The following ERBB4 variants were observed in gnomAD, a reference collection of about 807,000 sequenced individuals.
ERBB4 encodes the protein receptor tyrosine-protein kinase erbB-4.
In ERBB4, 42 loss-of-function variants were observed where a neutral mutation model predicts 158.0. The observed-to-expected ratio is 0.27, with a 90% CI of 0.21 to 0.34. The LOEUF (loss-of-function observed/expected upper bound fraction) is 0.34, where lower values mean the gene tolerates loss of function less well. Among genes scored for constraint, ERBB4 ranks in the 10% least tolerant of loss-of-function variants. The pLI, the probability that ERBB4 is intolerant of heterozygous loss-of-function variation, is 1.00. For synonymous variants in ERBB4, 583 were observed against 558.7 expected (o/e 1.04, Z -0.61); for missense variants, 1,333 against 1,624.1 (o/e 0.82, Z 3.08).
At chr2:212,095,464 T>G (rs2078900390) in intron 2 of ERBB4, among the ~76,000 whole-genome samples, 1 of 152,132 alleles carries the variant, frequency 6.6e-6, no homozygotes, top group African/African-American at 2.4e-5. Context: ...AGCATCCAAG[T>G]TGTATAAATG....
intron 1 of ERBB4, among the ~76,000 whole-genome samples, chr2:212,254,890 T>C (rs2084669247): frequency 6.6e-6 from 1 of 152,172 alleles, no homozygotes; most frequent in Non-Finnish European, 1.5e-5. Context: ...AATACTTTGT[T>C]ATAGTGTGAG....
chr2:212,115,680 CA>C (rs934331355), intron 2 of ERBB4, among the ~76,000 whole-genome samples: 2 of 152,022 alleles, frequency 1.3e-5, no homozygotes, highest in African/African-American at 4.8e-5. Flanking sequence ...TATTTTGTTT[CA>C]TTTTTTTTGT....
At chr2:212,277,568 C>G (rs1028785273) in intron 1 of ERBB4, among the ~76,000 whole-genome samples, 2 of 151,696 alleles carry the variant, frequency 1.3e-5, no homozygotes, top group Non-Finnish European at 2.9e-5. Context: ...TAACTGCTTC[C>G]TGTTCTTCAG....
At chr2:212,007,207 T>C (rs1372620182) in intron 2 of ERBB4, among the ~76,000 whole-genome samples, 1 of 151,974 alleles carries the variant, frequency 6.6e-6, no homozygotes, top group African/African-American at 2.4e-5. Context: ...TGATGATAAA[T>C]CTGTTTGATT....
intron 1 of ERBB4, among the ~76,000 whole-genome samples, chr2:212,188,238 C>CT (rs2082082515): frequency 2.5e-5 from 1 of 40,382 alleles, no homozygotes; most frequent in African/African-American, 8.1e-5. Context: ...CTCTCTCCCC[C>CT]CCCCTCTCAC....
At chr2:211,904,677 AATTT>A (rs1253582948) in intron 3 of ERBB4, among the ~76,000 whole-genome samples, 2 of 152,110 alleles carry the variant, frequency 1.3e-5, no homozygotes, top group Non-Finnish European at 2.9e-5. Flanking sequence ...GCAAAATTAT[AATTT>A]ATTTTATCAG....
intron 4 of ERBB4, among the ~76,000 whole-genome samples, chr2:211,754,541 C>T (rs1170688091): frequency 6.6e-6 from 1 of 150,410 alleles, no homozygotes; most frequent in Non-Finnish European, 1.5e-5. Context: ...GCTGGGATTA[C>T]AGGTGCCTGC....
chr2:212,218,199 C>T (rs1212253430), intron 1 of ERBB4, among the ~76,000 whole-genome samples: 1 of 151,232 alleles, frequency 6.6e-6, no homozygotes, highest in Non-Finnish European at 1.5e-5. Context: ...ACAGGATCAG[C>T]TTTGGGTTTC....
chr2:212,226,416 G>A (rs568575604), intron 1 of ERBB4, among the ~76,000 whole-genome samples: 28 of 151,382 alleles, frequency 1.8e-4, no homozygotes, highest in African/African-American at 6.5e-4. Context: ...GACATGGGGG[G>A]GGGTTTGACC....
intron 1 of ERBB4, among the ~76,000 whole-genome samples, chr2:212,370,338 T>G (rs532449514): frequency 6.6e-6 from 1 of 152,316 alleles, no homozygotes; most frequent in Non-Finnish European, 1.5e-5. Flanking sequence ...ATTTTCTTCA[T>G]AAATTACCCA....
chr2:212,253,684 G>A (rs2084622627), intron 1 of ERBB4, among the ~76,000 whole-genome samples: 1 of 152,192 alleles, frequency 6.6e-6, no homozygotes, highest in Non-Finnish European at 1.5e-5. Context: ...CAGAGGTTGA[G>A]ATAAATTAAT....
chr2:211,645,564 T>C (rs941724094), intron 16 of ERBB4, among the ~76,000 whole-genome samples: 9 of 151,812 alleles, frequency 5.9e-5, no homozygotes, highest in African/African-American at 2.2e-4. Context: ...AACTTCTTTA[T>C]CCATCAAGAT....
chr2:212,186,121 T>C (rs917373362), intron 1 of ERBB4, among the ~76,000 whole-genome samples: 1 of 152,166 alleles, frequency 6.6e-6, no homozygotes, highest in African/African-American at 2.4e-5. Flanking sequence ...ATCTCCCATA[T>C]AGATTTTTTT....
chr2:212,077,367 C>CTG (rs1422117640), intron 2 of ERBB4, among the ~76,000 whole-genome samples: 1 of 151,722 alleles, frequency 6.6e-6, no homozygotes, highest in Non-Finnish European at 1.5e-5. Context: ...AATCTGAAAA[C>CTG]AGTTCAGATG....
Position 211,788,166 on chromosome 2 carries a change from TA to T in ERBB4, c.422-8del, listed in dbSNP as rs1392615603. ...ACTCCACCATTTAGGATTTCTGTAT[TA>T]AAAAACAAATAAACAAATTTTTTGT... On this transcript the variant is annotated splice_polypyrimidine_tract_variant and splice_region_variant and intron_variant, in intron 3 of 27. Coordinates refer to ENST00000342788, the MANE Select transcript of ERBB4 (RefSeq NM_005235.3). The T allele has an allele frequency of 3.1e-6, 5 of 1,609,670 alleles. No homozygotes were observed. The highest frequency in any genetic ancestry group is 1.7e-5 in the Admixed American group (1 of 59,854).
At chr2:212,419,512 A>G (rs760232737) in intron 1 of ERBB4, among the ~76,000 whole-genome samples, 1 of 151,888 alleles carries the variant, frequency 6.6e-6, no homozygotes, top group African/African-American at 2.4e-5. Context: ...CTGTGTTAAG[A>G]TACTATGTAT....
intron 1 of ERBB4, among the ~76,000 whole-genome samples, chr2:212,406,849 T>C (rs1185424181): frequency 6.6e-6 from 1 of 152,044 alleles, no homozygotes; most frequent in East Asian, 1.9e-4. Flanking sequence ...CTTCATGAGG[T>C]GACTCTCCTC....
chr2:212,335,781 G>A (rs947298870), intron 1 of ERBB4, among the ~76,000 whole-genome samples: 1 of 151,966 alleles, frequency 6.6e-6, no homozygotes, highest in African/African-American at 2.4e-5. Flanking sequence ...TATAGTGAGA[G>A]AGCAAGCGTA....
chr2:212,279,739 T>C (rs1278915482), intron 1 of ERBB4, among the ~76,000 whole-genome samples: 2 of 151,664 alleles, frequency 1.3e-5, no homozygotes, highest in Non-Finnish European at 3.0e-5. Context: ...TCTTGATCTT[T>C]TTTATTGTTT....
Sources: allele counts gnomAD v4.1 joint callset (sites outside exome capture counted in the v4.1 genomes callset), GRCh38; gene constraint gnomAD v4.1.1; transcripts MANE v1.5; gene names NCBI Gene and HGNC (gene_info 2026-07-23, HGNC 2026-07-21).